Variants in ARID1B observed in about 807,000 individuals in gnomAD.
ARID1B encodes the protein AT-rich interaction domain 1B.
In ARID1B, 30 loss-of-function variants were observed where a neutral mutation model predicts 212.3. The ratio of observed to expected loss-of-function variants is 0.14; its 90% confidence interval spans 0.11 to 0.19. The LOEUF (loss-of-function observed/expected upper bound fraction) is 0.19, where lower values mean the gene tolerates loss of function less well. Ranked by LOEUF, ARID1B falls within the 10% of genes least tolerant of loss-of-function variation. ARID1B has a pLI of 1.00. For synonymous variants in ARID1B, 1,402 were observed against 1,301.7 expected, an observed-to-expected ratio of 1.08 and a Z score of -1.66; for missense variants, 2,891 against 3,204.0, an observed-to-expected ratio of 0.90 and a Z score of 2.36.
At chr6:156,858,505 C>A (rs1785101896) in intron 2 of ARID1B, among the ~76,000 whole-genome samples, 1 of 152,166 alleles carries the variant, frequency 6.6e-6, no homozygotes, top group African/African-American at 2.4e-5. Flanking sequence ...GCAGCTCACA[C>A]CTGTAATTCT....
intron 4 of ARID1B, among the ~76,000 whole-genome samples, chr6:157,063,726 A>G (rs921956114): frequency 2.6e-5 from 4 of 152,220 alleles, no homozygotes; most frequent in African/African-American, 9.6e-5. Context: ...TAAACCTGAC[A>G]ATCTAGTCCT....
At chr6:157,131,654 T>C (rs1208789898) in intron 6 of ARID1B, among the ~76,000 whole-genome samples, 1 of 152,160 alleles carries the variant, frequency 6.6e-6, no homozygotes, top group Non-Finnish European at 1.5e-5. Flanking sequence ...GTGTGCATTT[T>C]ATTCTAGCGC....
Position 156,991,107 on chromosome 6 carries a change from G to A in ARID1B, c.2247+55531G>A, listed in dbSNP as rs555197744. On this transcript the variant is annotated intron_variant, in intron 4 of 19. Coordinates refer to ENST00000636930, the MANE Select transcript of ARID1B (RefSeq NM_001374828.1). The stretch of plus-strand genomic sequence containing the variant: ...CTGAGGAGCAGTAACTTGACTTGCC[G>A]ACTGTTGCACAGTTGGTACACATGG... Among the ~76,000 whole-genome samples, 50 of 152,294 alleles carry A rather than the reference G, an allele frequency of 3.3e-4. No homozygotes were observed. In the South Asian group the frequency reaches 5.4e-3, roughly 16 times the overall value.
At chr6:157,116,184 ATT>A (rs1368343165) in intron 6 of ARID1B, among the ~76,000 whole-genome samples, 1 of 152,220 alleles carries the variant, frequency 6.6e-6, no homozygotes, top group East Asian at 1.9e-4. Context: ...TATAATAATT[ATT>A]AACATTAAAG....
chr6:157,183,823 G>A (rs758063969), intron 12 of ARID1B, among the ~76,000 whole-genome samples: 3 of 152,324 alleles, frequency 2.0e-5, no homozygotes, highest in East Asian at 3.9e-4. Flanking sequence ...GGATGGGTAC[G>A]GCCCAGAATC....
intron 6 of ARID1B, among the ~76,000 whole-genome samples, chr6:157,122,960 G>A (rs1261044184): frequency 6.6e-6 from 1 of 152,166 alleles, no homozygotes; most frequent in African/African-American, 2.4e-5. Flanking sequence ...GGGATTACAG[G>A]CATGAGCCAC....
chr6:156,973,439 T>G (rs765736969), intron 4 of ARID1B, among the ~76,000 whole-genome samples: 2 of 152,208 alleles, frequency 1.3e-5, no homozygotes, highest in African/African-American at 2.4e-5. Flanking sequence ...AAATTACTTT[T>G]TAATGCATTT....
intron 11 of ARID1B, among the ~76,000 whole-genome samples, chr6:157,180,368 TAAAAAAAAAA>T (rs1031751728): frequency 7.6e-6 from 1 of 131,504 alleles, no homozygotes; most frequent in African/African-American, 2.8e-5. Flanking sequence ...TTAGTTTATC[TAAAAAAAAAA>T]AACAAAAAAA....
chr6:156,823,886 G>GT (rs1782564815), intron 1 of ARID1B, among the ~76,000 whole-genome samples: 1 of 151,954 alleles, frequency 6.6e-6, no homozygotes, highest in Non-Finnish European at 1.5e-5. Flanking sequence ...TGATAACAGA[G>GT]TATCTAAATA....
chr6:156,929,170 C>T (rs1309755773), intron 3 of ARID1B, among the ~76,000 whole-genome samples: 2 of 152,190 alleles, frequency 1.3e-5, no homozygotes, highest in Non-Finnish European at 2.9e-5. Context: ...ACCGTGCACA[C>T]TACCTCTGTG....
In ARID1B at chr6:156,897,218, GCTT is replaced by G. The variant is rs796265973; in HGVS notation, c.1987-4112_1987-4110del. ...TGCTGCTGCTGCTGCTGCTGCTGCT[GCTT>G]CTTCTTCTTCTTCTTCTTCTTCTTC... On this transcript the variant is annotated intron_variant, in intron 2 of 19. Coordinates refer to ENST00000636930, the MANE Select transcript of ARID1B (RefSeq NM_001374828.1). Among the ~76,000 whole-genome samples the G allele has an allele frequency of 8.0e-3, 733 of 91,256 alleles. 6 individuals carry two copies. Among genetic ancestry groups the G allele is most frequent in the African/African-American group, 0.014 (341 of 24,736 alleles). The allele number at this position is 91,256 out of a possible 152,430, so 59.9% of individuals were successfully genotyped here.
intron 4 of ARID1B, among the ~76,000 whole-genome samples, chr6:156,984,158 A>G (rs1338575959): frequency 1.3e-5 from 2 of 152,166 alleles, no homozygotes; most frequent in African/African-American, 4.8e-5. Flanking sequence ...GAGCGTCTCC[A>G]GGAGGTATCA....
rs182232011 is a variant in ARID1B, at chr6:156,857,634, A to G, written c.1986+28213A>G. 3.3e-3 allele frequency among the ~76,000 whole-genome samples: 496 copies of G among 152,366 alleles called. 2 individuals are homozygous for G. The highest frequency in any genetic ancestry group is 0.011 in the African/African-American group (472 of 41,590). ...TTGATTTTTTGTTTCAGTTTGGCTTAAGGAAACAAAGAGGCAAATAGTGTT... is the reference window on the plus strand; with the variant it reads ...TTGATTTTTTGTTTCAGTTTGGCTTGAGGAAACAAAGAGGCAAATAGTGTT... On this transcript the variant is annotated intron_variant, in intron 2 of 19. Coordinates refer to ENST00000636930, the MANE Select transcript of ARID1B (RefSeq NM_001374828.1).
Position 156,861,991 on chromosome 6 carries a change from G to A in ARID1B, c.1986+32570G>A, listed in dbSNP as rs367918816. 5.1e-4 allele frequency among the ~76,000 whole-genome samples: 78 copies of A among 152,316 alleles called. No individual in the cohort carries two copies. The South Asian group carries it at 9.5e-3, about 19-fold the overall frequency. Reference sequence around the variant, plus strand: ...CTGAGATGATTTTCCAGTGTGCAGCGTGGGCATCCAAGTAGGTGTCAGTAT... The same window carrying A: ...CTGAGATGATTTTCCAGTGTGCAGCATGGGCATCCAAGTAGGTGTCAGTAT... On this transcript the variant is annotated intron_variant, in intron 2 of 19. Coordinates refer to ENST00000636930, the MANE Select transcript of ARID1B (RefSeq NM_001374828.1).
In ARID1B at chr6:157,190,261, C is replaced by G; in HGVS notation, c.4231+51C>G. On this transcript the variant is annotated intron_variant, in intron 15 of 19. Transcript: ENST00000636930. This position sits in a 1 kb window ranked among gnomAD's most constrained non-coding sequence, Gnocchi z 4.6. ...GCCATGGACCAGTGGGCATTCTACT[C>G]TCTGCCGTTCCACAACAGTTCACCT... The G allele has an allele frequency of 6.5e-7, 1 of 1,548,458 alleles. No individual in the cohort carries two copies. Among genetic ancestry groups the G allele is most frequent in the Non-Finnish European group, 8.7e-7 (1 of 1,152,388 alleles).
chr6:156,822,741 C>T (rs1214396701), intron 1 of ARID1B, among the ~76,000 whole-genome samples: 1 of 152,050 alleles, frequency 6.6e-6, no homozygotes, highest in African/African-American at 2.4e-5. Flanking sequence ...GAAGTGTGTC[C>T]CACAGTGGCT....
chr6:157,163,497 G>A (rs2128283185), intron 8 of ARID1B, among the ~76,000 whole-genome samples: 1 of 152,290 alleles, frequency 6.6e-6, no homozygotes, highest in Middle Eastern at 3.4e-3. Flanking sequence ...TGGCAGTAGT[G>A]TCTCAAGCAA....
chr6:156,779,101 G>A lies in ARID1B; in HGVS notation c.1421G>A (p.Ser474Asn), dbSNP rs1778970230. 1 of 1,233,910 alleles carries A rather than the reference G, an allele frequency of 8.1e-7. No individual in the cohort carries two copies. The highest frequency in any genetic ancestry group is 3.2e-5 in the South Asian group (1 of 31,376). The allele number at this position is 1,233,910 out of a possible 1,614,324, so 76.4% of individuals were successfully genotyped here. The change falls in exon 1 of 20, where the codon AGC (serine) becomes AAC (asparagine). Residue 474 changes from serine (S) to asparagine (N), a missense_variant. Around this residue, in one of 7 missense-constraint regions of ARID1B, gnomAD observed 1,643 missense variants for 1,544.0 expected, o/e 1.06. Coordinates refer to ENST00000636930, the MANE Select transcript of ARID1B (RefSeq NM_001374828.1). Reference protein sequence around the residue: ...GPGGGGAASLSKAAAGSAAGG... With the variant: ...GPGGGGAASLNKAAAGSAAGG... ...GGGGGCGGCGGGGCCGCGAGCCTCA[G>A]CAAGGCGGCCGCCGGCTCGGCGGCG...
At chr6:157,082,586 C>G (rs867756670) in intron 4 of ARID1B, among the ~76,000 whole-genome samples, 7 of 151,988 alleles carry the variant, frequency 4.6e-5, no homozygotes, top group Non-Finnish European at 8.8e-5. Flanking sequence ...GTCACCTAGG[C>G]TGGAGTGCAG....
Sources: allele counts gnomAD v4.1 joint callset (sites outside exome capture counted in the v4.1 genomes callset), GRCh38; gene constraint gnomAD v4.1.1; regional missense constraint gnomAD v4.1.1; non-coding constraint Gnocchi (gnomAD v3.1); transcripts MANE v1.5; gene names NCBI Gene and HGNC (gene_info 2026-07-23, HGNC 2026-07-21).